Variants in KLHL1 observed in about 807,000 individuals in gnomAD.
KLHL1 encodes kelch-like protein 1.
KLHL1 carries 47 observed loss-of-function variants against 77.7 expected under a neutral mutation model. The observed-to-expected ratio is 0.60, with a 90% CI of 0.48 to 0.77. The LOEUF is 0.77. KLHL1 is among the 30% of genes least tolerant of loss of function. KLHL1 has a pLI of 0.00. For missense variants in KLHL1, 925 were observed against 910.8 expected (o/e 1.02, Z -0.20); for synonymous variants, 360 against 325.2 (o/e 1.11, Z -1.15).
intron 1 of KLHL1, among the ~76,000 whole-genome samples, chr13:69,982,377 A>G (rs1390607266): frequency 6.6e-6 from 1 of 150,822 alleles, no homozygotes; most frequent in African/African-American, 2.4e-5. Flanking sequence ...TGGAGGGTGC[A>G]GTGAGCCAAG....
chr13:70,005,571 A>G (rs1160638353), intron 1 of KLHL1, among the ~76,000 whole-genome samples: 1 of 151,934 alleles, frequency 6.6e-6, no homozygotes, highest in East Asian at 1.9e-4. Context: ...GGGTAGCCAA[A>G]AGATTAGAAA....
chr13:69,782,838 G>A (rs561700596), intron 7 of KLHL1, among the ~76,000 whole-genome samples: 5,229 of 152,284 alleles, frequency 0.034, 321 homozygotes, highest in African/African-American at 0.12. Context: ...CGCAGCTGGT[G>A]ATCTGAGAAT....
At chr13:69,961,906 CCTTT>C (rs1164280797) in intron 2 of KLHL1, among the ~76,000 whole-genome samples, 4 of 151,608 alleles carry the variant, frequency 2.6e-5, no homozygotes, top group Admixed American at 6.6e-5. Flanking sequence ...AAGGCAAATC[CCTTT>C]CTTTAATATT....
At chr13:69,806,045 A>G (rs1877602822) in intron 6 of KLHL1, among the ~76,000 whole-genome samples, 1 of 152,196 alleles carries the variant, frequency 6.6e-6, no homozygotes, top group Non-Finnish European at 1.5e-5. Flanking sequence ...ATGAATCTGA[A>G]AGAAAGCCAG....
chr13:69,931,968 A>G (rs1485579339), intron 4 of KLHL1, among the ~76,000 whole-genome samples: 2 of 151,862 alleles, frequency 1.3e-5, no homozygotes, highest in Non-Finnish European at 3.0e-5. Context: ...AATATTTTAA[A>G]TTATTGTAGG....
chr13:70,044,289 C>T (rs893228027), intron 1 of KLHL1, among the ~76,000 whole-genome samples: 1 of 152,128 alleles, frequency 6.6e-6, no homozygotes, highest in African/African-American at 2.4e-5. Context: ...ATTGACATTG[C>T]ATATTGCCAT....
At chr13:69,763,072 G>C (rs180941676) in intron 7 of KLHL1, among the ~76,000 whole-genome samples, 2 of 152,180 alleles carry the variant, frequency 1.3e-5, no homozygotes, top group Non-Finnish European at 2.9e-5. Flanking sequence ...CCATGATTTG[G>C]AATAAATGAG....
chr13:69,976,484 T>C (rs1030429722), intron 1 of KLHL1, among the ~76,000 whole-genome samples: 1 of 152,064 alleles, frequency 6.6e-6, no homozygotes, highest in East Asian at 1.9e-4. Flanking sequence ...ATATAGACTG[T>C]TTCAAAAAAA....
At chr13:69,917,087 T>C (rs990998397) in intron 4 of KLHL1, among the ~76,000 whole-genome samples, 1 of 152,030 alleles carries the variant, frequency 6.6e-6, no homozygotes, top group Non-Finnish European at 1.5e-5. Flanking sequence ...TATAAATATA[T>C]ATGTATGCAT....
intron 7 of KLHL1, among the ~76,000 whole-genome samples, chr13:69,744,756 A>C (rs1874136155): frequency 6.6e-6 from 1 of 151,942 alleles, no homozygotes; most frequent in African/African-American, 2.4e-5. Flanking sequence ...AATTTAAAAA[A>C]TTATTTAAAG....
At chr13:69,706,071 T>C (rs913397448) in intron 10 of KLHL1, among the ~76,000 whole-genome samples, 1 of 151,762 alleles carries the variant, frequency 6.6e-6, no homozygotes, top group African/African-American at 2.4e-5. Flanking sequence ...TTGGAAACAC[T>C]AGGGACTCAG....
chr13:69,916,559 G>T (rs553888390), intron 4 of KLHL1, among the ~76,000 whole-genome samples: 1 of 152,016 alleles, frequency 6.6e-6, no homozygotes, highest in Non-Finnish European at 1.5e-5. Flanking sequence ...ATGGACAGAG[G>T]AAGGGGAACA....
At position 69,961,421 on chromosome 13, in the gene KLHL1, T is replaced by C. The variant is rs1884061343; in HGVS notation, c.704A>G (p.Asp235Gly). Residue 235 changes from aspartate to glycine, a missense_variant, in exon 3 of 11, where the codon GAC becomes GGC. By Grantham distance (94) the Asp-to-Gly change is moderately conservative (BLOSUM62 -1). Transcript: ENST00000377844. ...AHRLVLSSVS[D>G]YFAAMFTSDV... ...ACTTGTAAACATGGCCGCAAAATAG[T>C]CGGAGACTGAACTCAGAACAAGCCT... 6.2e-7 allele frequency: 1 copy of C among 1,612,778 alleles called. No individual in the cohort carries two copies. The highest frequency in any genetic ancestry group is 8.5e-7 in the Non-Finnish European group (1 of 1,179,330).
At chr13:69,850,930 C>T (rs1448960740) in intron 5 of KLHL1, among the ~76,000 whole-genome samples, 1 of 151,616 alleles carries the variant, frequency 6.6e-6, no homozygotes, top group Non-Finnish European at 1.5e-5. Flanking sequence ...ATCTGACTGA[C>T]TCCTAGTTTT....
intron 1 of KLHL1, among the ~76,000 whole-genome samples, chr13:70,075,928 A>G (rs1887258938): frequency 6.6e-6 from 1 of 151,220 alleles, no homozygotes; most frequent in Non-Finnish European, 1.5e-5. Flanking sequence ...TCAAAATCTA[A>G]AAAAATGCAT....
intron 1 of KLHL1, among the ~76,000 whole-genome samples, chr13:69,981,845 A>G (rs1884720004): frequency 6.6e-6 from 1 of 152,076 alleles, no homozygotes; most frequent in Admixed American, 6.6e-5. Context: ...AAAAGAATGC[A>G]AATGTGACTG....
chr13:69,741,216 G>T (rs753187890), intron 7 of KLHL1, among the ~76,000 whole-genome samples: 7 of 152,016 alleles, frequency 4.6e-5, no homozygotes, highest in Non-Finnish European at 7.4e-5. Context: ...TATATAACTA[G>T]TACTCATTGC....
intron 1 of KLHL1, among the ~76,000 whole-genome samples, chr13:70,028,793 G>A (rs903148583): frequency 6.6e-6 from 1 of 151,974 alleles, no homozygotes; most frequent in Non-Finnish European, 1.5e-5. Context: ...CCTTCGCAAT[G>A]TGGCGAAACT....
At chr13:69,935,646 A>C (rs1285703222) in intron 4 of KLHL1, among the ~76,000 whole-genome samples, 2 of 152,152 alleles carry the variant, frequency 1.3e-5, no homozygotes, top group Non-Finnish European at 2.9e-5. Context: ...TTTCCATCAG[A>C]GGGAAGAAAG....
Sources: gnomAD v4.1 joint callset for allele counts (sites outside exome capture counted in the v4.1 genomes callset) on GRCh38, gnomAD v4.1.1 for gene constraint, MANE v1.5 for transcripts, NCBI Gene and HGNC (gene_info 2026-07-23, HGNC 2026-07-21) for gene names.